The following CNTNAP2 variants were observed in gnomAD, a reference collection of about 807,000 sequenced individuals.
CNTNAP2 encodes the protein contactin associated protein 2.
A neutral mutation model predicts 155.2 loss-of-function variants in CNTNAP2; 98 were observed. The ratio of observed to expected loss-of-function variants is 0.63; its 90% CI spans 0.54 to 0.75. CNTNAP2 has a LOEUF of 0.75. Ranked by LOEUF, CNTNAP2 falls within the 30% of genes least tolerant of loss-of-function variation. The pLI is 0.00. For synonymous variants in CNTNAP2, 651 were observed against 631.2 expected (o/e 1.03, Z -0.47); for missense variants, 1,727 against 1,688.1 (o/e 1.02, Z -0.40).
chr7:148,136,990 A>G (rs1055040351), intron 16 of CNTNAP2, among the ~76,000 whole-genome samples: 1 of 152,230 alleles, frequency 6.6e-6, no homozygotes, highest in African/African-American at 2.4e-5. Flanking sequence ...AACAATATCC[A>G]TTTCCAGAGG....
In CNTNAP2 at chr7:147,694,440, G is replaced by A. The variant is rs151105820; in HGVS notation, c.2098+55134G>A. 3.9e-3 allele frequency among the ~76,000 whole-genome samples: 590 copies of A among 152,100 alleles called. 3 individuals carry two copies. The highest frequency in any genetic ancestry group is 0.013 in the African/African-American group (538 of 41,542). ...TGATATAAATTTCTTCTTTAATTACGTGGTAAAATTTACCAATAAGTTGAT... is the reference window on the plus strand; with the variant it reads ...TGATATAAATTTCTTCTTTAATTACATGGTAAAATTTACCAATAAGTTGAT... On this transcript the variant is annotated intron_variant, in intron 13 of 23. Coordinates refer to ENST00000361727, the MANE Select transcript of CNTNAP2 (RefSeq NM_014141.6).
At chr7:146,842,695 A>AT (rs1803755030) in intron 3 of CNTNAP2, among the ~76,000 whole-genome samples, 2 of 151,644 alleles carry the variant, frequency 1.3e-5, no homozygotes, top group Admixed American at 1.3e-4. Context: ...ATACTTTTTT[A>AT]TTTTTTCTGA....
intron 1 of CNTNAP2, among the ~76,000 whole-genome samples, chr7:146,762,606 C>CA (rs1802121807): frequency 6.6e-6 from 1 of 152,016 alleles, no homozygotes; most frequent in East Asian, 1.9e-4. Context: ...CTAGGGAAAA[C>CA]AAAAAACAAA....
intron 1 of CNTNAP2, among the ~76,000 whole-genome samples, chr7:146,304,013 A>G (rs1800662197): frequency 1.3e-5 from 2 of 150,678 alleles, no homozygotes; most frequent in East Asian, 3.9e-4. Context: ...TCCCTTTACC[A>G]TTATGTAATG....
intron 3 of CNTNAP2, among the ~76,000 whole-genome samples, chr7:146,908,382 A>T (rs1284342374): frequency 8.1e-5 from 12 of 148,878 alleles, no homozygotes; most frequent in African/African-American, 2.9e-4. Flanking sequence ...CTATTCCAAA[A>T]TTGACCACAT....
chr7:148,132,718 T>C (rs1376760455), intron 16 of CNTNAP2, among the ~76,000 whole-genome samples: 1 of 152,238 alleles, frequency 6.6e-6, no homozygotes, highest in Non-Finnish European at 1.5e-5. Context: ...AAGTTTTTAT[T>C]TGCCTTTTTG....
At chr7:146,703,791 T>C (rs10268059) in intron 1 of CNTNAP2, among the ~76,000 whole-genome samples, 9,976 of 152,174 alleles carry the variant, frequency 0.066, 821 homozygotes, top group African/African-American at 0.19. Flanking sequence ...TAACATCACA[T>C]TGGGGATTAG....
chr7:147,502,225 C>A (rs1041495741), intron 11 of CNTNAP2, among the ~76,000 whole-genome samples: 4 of 151,896 alleles, frequency 2.6e-5, no homozygotes, highest in African/African-American at 9.7e-5. Flanking sequence ...AAAAAAAATC[C>A]TAAAATTCAT....
In CNTNAP2 at chr7:146,483,327, A is replaced by G. The variant is rs1229598368; in HGVS notation, c.98-290944A>G. On this transcript the variant is annotated intron_variant, in intron 1 of 23. Transcript: ENST00000361727. ...TATATATATATATATATATATATATATACATATATATATATTTAAGCACAG... is the reference window on the plus strand; with the variant it reads ...TATATATATATATATATATATATATGTACATATATATATATTTAAGCACAG... Among the ~76,000 whole-genome samples the G allele has an allele frequency of 3.9e-4, 34 of 86,918 alleles. 1 individual carries two copies. The highest frequency in any genetic ancestry group is 1.8e-3 in the African/African-American group (32 of 17,406). 57.0% of individuals were successfully genotyped at this position (86,918 alleles called of 152,430 possible). A position where few individuals can be genotyped will look rare whatever the true frequency, so the allele number is the denominator to read the frequency against.
At chr7:147,171,367 C>G (rs1802223126) in intron 8 of CNTNAP2, among the ~76,000 whole-genome samples, 1 of 152,158 alleles carries the variant, frequency 6.6e-6, no homozygotes, top group Non-Finnish European at 1.5e-5. Context: ...CTGGCTGCCT[C>G]TAGTTGGCCA....
At chr7:148,280,423 T>C (rs761218410) in intron 21 of CNTNAP2, among the ~76,000 whole-genome samples, 9 of 152,296 alleles carry the variant, frequency 5.9e-5, no homozygotes, top group Non-Finnish European at 1.2e-4. Flanking sequence ...AGAATCACAT[T>C]TGCACACATA....
chr7:146,928,435 T>C (rs1796657742), intron 3 of CNTNAP2, among the ~76,000 whole-genome samples: 1 of 152,198 alleles, frequency 6.6e-6, no homozygotes, highest in Non-Finnish European at 1.5e-5. Context: ...TGATAAAATT[T>C]GTTCAATTCG....
intron 3 of CNTNAP2, among the ~76,000 whole-genome samples, chr7:146,958,692 T>C (rs999077215): frequency 1.4e-4 from 22 of 151,970 alleles, no homozygotes; most frequent in African/African-American, 4.1e-4. Context: ...GGATTACAGG[T>C]GTGAGCCACC....
intron 13 of CNTNAP2, among the ~76,000 whole-genome samples, chr7:147,705,124 T>C (rs2117009016): frequency 6.6e-6 from 1 of 152,218 alleles, no homozygotes; most frequent in South Asian, 2.1e-4. Context: ...ATTGTTCTTG[T>C]TTCTCTAGTT....
intron 21 of CNTNAP2, among the ~76,000 whole-genome samples, chr7:148,325,392 C>T (rs1016412827): frequency 2.6e-5 from 4 of 152,222 alleles, no homozygotes; most frequent in African/African-American, 9.6e-5. Context: ...TAGTTTTTAA[C>T]TTCATTTGTT....
intron 8 of CNTNAP2, among the ~76,000 whole-genome samples, chr7:147,259,639 C>G (rs1369601321): frequency 3.3e-5 from 5 of 152,086 alleles, no homozygotes; most frequent in Non-Finnish European, 7.4e-5. Context: ...GTGTTTATAT[C>G]ATTTGCATGT....
At chr7:147,928,979 C>G (rs1486583178) in intron 14 of CNTNAP2, among the ~76,000 whole-genome samples, 2 of 150,120 alleles carry the variant, frequency 1.3e-5, no homozygotes, top group African/African-American at 4.9e-5. Flanking sequence ...GTAATCCCAG[C>G]TACTCAGGAG....
At chr7:146,151,708 A>ATATGTATATG (rs1562969149) in intron 1 of CNTNAP2, among the ~76,000 whole-genome samples, 4 of 62,232 alleles carry the variant, frequency 6.4e-5, no homozygotes, top group African/African-American at 3.9e-4. Flanking sequence ...GTATATATAT[A>ATATGTATATG]TATATGTATA....
At chr7:147,043,857 T>G in intron 3 of CNTNAP2, 50 bp from the exon 4 acceptor site, 1 of 1,604,992 alleles carries the variant, frequency 6.2e-7, no homozygotes, top group Non-Finnish European at 8.5e-7. Flanking sequence ...AGGACATGAT[T>G]GTTTCTAAAG....
Sources: allele counts gnomAD v4.1 joint callset (sites outside exome capture counted in the v4.1 genomes callset), GRCh38; gene constraint gnomAD v4.1.1; transcripts MANE v1.5; gene names NCBI Gene and HGNC (gene_info 2026-07-23, HGNC 2026-07-21).